Variants in ZNF469 observed in about 807,000 individuals in gnomAD.
The protein encoded by ZNF469 is zinc finger protein 469.
A neutral mutation model predicts 1.0 loss-of-function variants in ZNF469; 1 was observed. The ratio of observed to expected loss-of-function variants is 1.00; its 90% CI spans 0.35 to 4.73. The LOEUF (loss-of-function observed/expected upper bound fraction) is 4.73. Ranked by LOEUF, ZNF469 falls within the 30% of genes most tolerant of loss-of-function variation. The pLI, the probability that ZNF469 is intolerant of heterozygous loss-of-function variation, is 0.16. For synonymous variants in ZNF469, 2,703 were observed against 2,363.4 expected (o/e 1.14, Z -4.17); for missense variants, 6,100 against 5,356.3 (o/e 1.14, Z -4.33).
chr16:88,439,389 C>T lies in ZNF469; in HGVS notation c.*57C>T. On this transcript the variant is annotated 3_prime_UTR_variant, in exon 3 of 3. Transcript: ENST00000565624. Reference sequence around the variant, plus strand: ...GGGCGTTCCTGTCTCGGCCTGCCTCCTTGGCCAGCTCCGGCTCCCTGAGAT... The same window carrying T: ...GGGCGTTCCTGTCTCGGCCTGCCTCTTTGGCCAGCTCCGGCTCCCTGAGAT... 1.3e-6 allele frequency: 2 copies of T among 1,537,950 alleles called. No individual in the cohort carries two copies. The highest frequency in any genetic ancestry group is 2.4e-5 in the East Asian group (1 of 40,872).
At chr16:88,167,628 G>A in the ZNF469 span, among the ~76,000 whole-genome samples, 1 of 152,144 alleles carries the variant, frequency 6.6e-6, no homozygotes, top group Non-Finnish European at 1.5e-5. Flanking sequence ...AAGGTGGGGG[G>A]CAGGACCCAG....
chr16:88,351,999 G>A, the ZNF469 span, among the ~76,000 whole-genome samples: 3 of 152,202 alleles, frequency 2.0e-5, no homozygotes, highest in Non-Finnish European at 2.9e-5. Context: ...CGCTCACCAC[G>A]ACACAGAGAA....
the ZNF469 span, among the ~76,000 whole-genome samples, chr16:88,291,089 G>A: frequency 6.6e-6 from 1 of 152,146 alleles, no homozygotes; most frequent in African/African-American, 2.4e-5. Flanking sequence ...TTCCCTCTGG[G>A]AGACACACCT....
chr16:88,340,251 G>C, the ZNF469 span, among the ~76,000 whole-genome samples: 30,119 of 152,138 alleles, frequency 0.2, 3,493 homozygotes, highest in African/African-American at 0.32. Context: ...TTCAGGCACA[G>C]AGCACCTCAT....
chr16:88,415,286 C>T (rs1365332642), intron 1 of ZNF469, among the ~76,000 whole-genome samples: 2 of 152,176 alleles, frequency 1.3e-5, no homozygotes, highest in Non-Finnish European at 2.9e-5. Context: ...CCGGGAGCCT[C>T]CACCACAGCC....
chr16:88,336,389 C>G, the ZNF469 span, among the ~76,000 whole-genome samples: 1 of 151,674 alleles, frequency 6.6e-6, no homozygotes, highest in Non-Finnish European at 1.5e-5. Context: ...GCCAACATCA[C>G]ACATGTTCAT....
At chr16:88,222,778 T>A in the ZNF469 span, among the ~76,000 whole-genome samples, 1 of 151,494 alleles carries the variant, frequency 6.6e-6, no homozygotes, top group Non-Finnish European at 1.5e-5. Context: ...AACAAAAACA[T>A]TCTAGAGACA....
At chr16:88,208,803 A>ACACACT in the ZNF469 span, among the ~76,000 whole-genome samples, 1 of 123,564 alleles carries the variant, frequency 8.1e-6, no homozygotes, top group African/African-American at 3.1e-5. Flanking sequence ...ACACACACAC[A>ACACACT]CTCTCTCTCT....
chr16:88,396,177 C>A (rs962282792), intron 1 of ZNF469, among the ~76,000 whole-genome samples: 3 of 152,258 alleles, frequency 2.0e-5, no homozygotes, highest in African/African-American at 7.2e-5. Flanking sequence ...TCATAGAACA[C>A]AATAGAGAAT....
the ZNF469 span, among the ~76,000 whole-genome samples, chr16:88,369,086 A>G: frequency 6.6e-6 from 1 of 151,642 alleles, no homozygotes; most frequent in Non-Finnish European, 1.5e-5. Flanking sequence ...CTCAAAAAAA[A>G]AAAAAGCCCT....
the ZNF469 span, among the ~76,000 whole-genome samples, chr16:88,270,963 G>T: frequency 6.6e-6 from 1 of 152,230 alleles, no homozygotes; most frequent in Non-Finnish European, 1.5e-5. Context: ...TGGCATCCAG[G>T]CTGAGGATTC....
rs1275093125 is a variant in ZNF469, at chr16:88,428,046, C to T, written c.576C>T (p.Thr192=). 1 of 1,549,730 alleles carries T rather than the reference C, an allele frequency of 6.5e-7. No homozygotes were observed. Among genetic ancestry groups the T allele is most frequent in the African/African-American group, 1.4e-5 (1 of 72,994 alleles). ...TCCAGGAGCCACCCTCCAGCTTTAC[C>T]TCCACCAACTATACCTCACCAAGCG... The part of the protein sequence containing the change: ...RCFQEPPSSF[T]STNYTSPSAT... Residue 192 remains threonine (T), a synonymous_variant, in exon 3 of 3, where the codon ACC becomes ACT. Transcript: ENST00000565624.
the ZNF469 span, among the ~76,000 whole-genome samples, chr16:88,185,350 GCACA>G: frequency 1.3e-5 from 2 of 151,514 alleles, no homozygotes; most frequent in Middle Eastern, 3.4e-3. Context: ...TACAATGCAT[GCACA>G]CACAAACATA....
At chr16:88,226,311 C>T in the ZNF469 span, among the ~76,000 whole-genome samples, 8 of 151,882 alleles carry the variant, frequency 5.3e-5, no homozygotes, top group East Asian at 2.0e-4. Context: ...GAGGTGAGGT[C>T]GTTAGGGTGG....
upstream of ZNF469, among the ~76,000 whole-genome samples, chr16:88,380,995 C>T (rs1159796290): frequency 1.4e-5 from 2 of 145,920 alleles, no homozygotes; most frequent in East Asian, 2.0e-4. Flanking sequence ...CTCACACAGA[C>T]ATGCACTCAC....
rs767072775 is a variant in ZNF469 at position 88,428,977 on chromosome 16, C to A, written c.1507C>A (p.Arg503=). The change falls in exon 3 of 3, where the codon CGG becomes AGG. Residue 503 remains arginine (R), a synonymous_variant. Coordinates refer to ENST00000565624, the MANE Select transcript of ZNF469 (RefSeq NM_001367624.2). The part of the protein sequence containing the change: ...PSPHGMEMLS[R]LPFPAGGPEW... ...TCCCCACGGAATGGAGATGCTGAGCCGGCTGCCTTTCCCCGCGGGGGGCCC... is the reference window on the plus strand; with the variant it reads ...TCCCCACGGAATGGAGATGCTGAGCAGGCTGCCTTTCCCCGCGGGGGGCCC... The A allele has an allele frequency of 1.3e-6, 2 of 1,548,656 alleles. No individual in the cohort carries two copies. The highest frequency in any genetic ancestry group is 2.4e-5 in the East Asian group (1 of 40,918).
chr16:88,164,595 G>GT, the ZNF469 span, among the ~76,000 whole-genome samples: 1 of 152,164 alleles, frequency 6.6e-6, no homozygotes, highest in Non-Finnish European at 1.5e-5. Flanking sequence ...GATACTCTGA[G>GT]TTTTTTCCCT....
At chr16:88,325,520 G>A in the ZNF469 span, among the ~76,000 whole-genome samples, 2 of 152,272 alleles carry the variant, frequency 1.3e-5, no homozygotes, top group Non-Finnish European at 2.9e-5. Flanking sequence ...ACTGCAGCCA[G>A]GGGCACTATG....
At chr16:88,171,981 T>C in the ZNF469 span, among the ~76,000 whole-genome samples, 216 of 152,296 alleles carry the variant, frequency 1.4e-3, 3 homozygotes, top group African/African-American at 4.9e-3. Context: ...TGTTCAGACA[T>C]TGGACAACAG....
Sources: gnomAD v4.1 joint callset for allele counts (sites outside exome capture counted in the v4.1 genomes callset) on GRCh38, gnomAD v4.1.1 for gene constraint, MANE v1.5 for transcripts, NCBI Gene and HGNC (gene_info 2026-07-23, HGNC 2026-07-21) for gene names.